MAP2K1: variants seen among roughly 807,000 people sequenced by gnomAD.
MAP2K1 encodes mitogen-activated protein kinase kinase 1.
MAP2K1 carries 16 observed loss-of-function variants against 46.3 expected under a neutral mutation model. That is an observed-to-expected ratio of 0.35 (90% confidence interval 0.23 to 0.52). MAP2K1 has a LOEUF of 0.52. MAP2K1 is among the 20% of genes least tolerant of loss of function. The pLI is 0.94. For synonymous variants in MAP2K1, 183 were observed against 185.6 expected (o/e 0.99, Z 0.11); for missense variants, 263 against 497.1 (o/e 0.53, Z 4.48).
At chr15:66,427,517 C>T (rs1028989505) in intron 1 of MAP2K1, among the ~76,000 whole-genome samples, 1 of 151,470 alleles carries the variant, frequency 6.6e-6, no homozygotes, top group African/African-American at 2.4e-5. Context: ...CAAGATGCAC[C>T]ACTGCACTCC....
intron 5 of MAP2K1, among the ~76,000 whole-genome samples, chr15:66,469,474 T>C (rs918129497): frequency 8.6e-6 from 1 of 116,784 alleles, no homozygotes; most frequent in Admixed American, 8.3e-5. Context: ...GGTGCCTCCT[T>C]TTTTTTTTTT....
chr15:66,452,809 G>A (rs1396299529), intron 5 of MAP2K1, among the ~76,000 whole-genome samples: 1 of 152,130 alleles, frequency 6.6e-6, no homozygotes, highest in African/African-American at 2.4e-5. Context: ...TAATTTATAA[G>A]GAAACTAAAA....
rs1199533507 is a variant in MAP2K1, at chr15:66,435,077, A to G, written c.131A>G (p.Glu44Gly). ...AAGCTGGAGGAGCTAGAGCTTGATGAGCAGCAGCGAAAGCGCCTTGAGGCC... is the reference window on the plus strand; with the variant it reads ...AAGCTGGAGGAGCTAGAGCTTGATGGGCAGCAGCGAAAGCGCCTTGAGGCC... ...QKKLEELELD[E>G]QQRKRLEAFL... is the part of the protein sequence containing the mutation. The change falls in exon 2 of 11, where the codon GAG becomes GGG. Residue 44 changes from glutamate to glycine, a missense_variant. By Grantham distance (98) the Glu-to-Gly change is moderately conservative. Transcript: ENST00000307102. 1 of 1,614,146 alleles carries G rather than the reference A, an allele frequency of 6.2e-7. No homozygotes were observed. Among genetic ancestry groups the G allele is most frequent in the East Asian group, 2.2e-5 (1 of 44,884 alleles).
At chr15:66,437,012 A>G in intron 3 of MAP2K1, 120 bp downstream of exon 3, 1 of 998,474 alleles carries the variant, frequency 1.0e-6, no homozygotes, top group East Asian at 2.4e-5. Flanking sequence ...CCACATCACT[A>G]TCTGGGGCAT....
chr15:66,443,537 G>A (rs1183439434), intron 4 of MAP2K1, among the ~76,000 whole-genome samples, 180 bp downstream of exon 4: 1 of 150,640 alleles, frequency 6.6e-6, no homozygotes, highest in East Asian at 2.0e-4. Flanking sequence ...TCTCACATTA[G>A]AATGAGAAAA....
chr15:66,422,012 T>G (rs1401936121), intron 1 of MAP2K1, among the ~76,000 whole-genome samples: 1 of 152,042 alleles, frequency 6.6e-6, no homozygotes, highest in Non-Finnish European at 1.5e-5. Flanking sequence ...TTTGTGAGAA[T>G]TAGGCGAACT....
At chr15:66,415,888 T>C (rs1199447317) in intron 1 of MAP2K1, among the ~76,000 whole-genome samples, 2 of 152,246 alleles carry the variant, frequency 1.3e-5, no homozygotes, top group South Asian at 4.1e-4. Flanking sequence ...AGTTTTACTT[T>C]AGACTATATA....
intron 1 of MAP2K1, among the ~76,000 whole-genome samples, chr15:66,421,239 G>A (rs1022206805): frequency 8.6e-5 from 13 of 151,846 alleles, no homozygotes; most frequent in South Asian, 2.1e-4. Context: ...GGGTTCAAGC[G>A]ATCCTTCTGC....
intron 5 of MAP2K1, among the ~76,000 whole-genome samples, chr15:66,459,085 A>G (rs1892244529): frequency 1.4e-5 from 2 of 143,776 alleles, no homozygotes; most frequent in Admixed American, 7.0e-5. Flanking sequence ...GAGGTTGAGG[A>G]GGGCGGATCA....
intron 1 of MAP2K1, among the ~76,000 whole-genome samples, chr15:66,433,472 T>C (rs1384347758): frequency 2.0e-5 from 3 of 152,094 alleles, no homozygotes; most frequent in Non-Finnish European, 4.4e-5. Context: ...CTTTCTTTGA[T>C]GTGTGCAGCA....
intron 6 of MAP2K1, among the ~76,000 whole-genome samples, chr15:66,482,550 A>G (rs1009917780): frequency 2.0e-5 from 3 of 152,006 alleles, no homozygotes; most frequent in Non-Finnish European, 4.4e-5. Flanking sequence ...GCTGGCTCAC[A>G]CTGTCACCAG....
intron 1 of MAP2K1, among the ~76,000 whole-genome samples, chr15:66,396,306 T>A (rs2093367371): frequency 6.6e-6 from 1 of 150,724 alleles, no homozygotes. Flanking sequence ...GAGATGGAGT[T>A]TCACTCTTCT....
At chr15:66,446,306 G>T (rs1204621479) in intron 5 of MAP2K1, 1 of 152,836 alleles carries the variant, frequency 6.5e-6, no homozygotes, top group Non-Finnish European at 1.5e-5. Flanking sequence ...GGGCGTAGTG[G>T]TGAGTGCCTG....
At chr15:66,462,044 A>T (rs1343882940) in intron 5 of MAP2K1, among the ~76,000 whole-genome samples, 2 of 152,232 alleles carry the variant, frequency 1.3e-5, no homozygotes, top group Non-Finnish European at 2.9e-5. Context: ...CAGAAGAGAT[A>T]GTTCCTATCC....
chr15:66,440,543 T>C (rs2093500996), intron 3 of MAP2K1, among the ~76,000 whole-genome samples: 1 of 152,210 alleles, frequency 6.6e-6, no homozygotes, highest in Non-Finnish European at 1.5e-5. Context: ...AAATTGATGC[T>C]CTCTGATCAG....
intron 1 of MAP2K1, among the ~76,000 whole-genome samples, chr15:66,432,525 C>CA (rs1347828626): frequency 6.6e-6 from 1 of 152,230 alleles, no homozygotes; most frequent in Non-Finnish European, 1.5e-5. Context: ...TCTGCTCCAG[C>CA]AGATCCATCA....
chr15:66,448,152 CAAAAAA>C (rs67953737), intron 5 of MAP2K1, among the ~76,000 whole-genome samples: 8 of 86,980 alleles, frequency 9.2e-5, no homozygotes, highest in African/African-American at 3.7e-4. Context: ...GACTCCATCT[CAAAAAA>C]AAAAAAAAAA....
At chr15:66,490,436 C>T (rs1175301363) in intron 10 of MAP2K1, 66 bp from the exon 11 acceptor site, 1 of 1,191,190 alleles carries the variant, frequency 8.4e-7, no homozygotes, top group Non-Finnish European at 1.3e-6. Context: ...TTGGATTTTC[C>T]TTCCTGGTGG....
At chr15:66,402,041 A>G (rs1018890846) in intron 1 of MAP2K1, 29 of 1,299,220 alleles carry the variant, frequency 2.2e-5, no homozygotes, top group Non-Finnish European at 2.8e-5. Flanking sequence ...AGTATTTCTG[A>G]GTAGTTTTTA....
Sources: allele counts gnomAD v4.1 joint callset (sites outside exome capture counted in the v4.1 genomes callset), GRCh38; gene constraint gnomAD v4.1.1; transcripts MANE v1.5; gene names NCBI Gene and HGNC (gene_info 2026-07-23, HGNC 2026-07-21).